The following ASAH2 variants were observed in gnomAD, a reference collection of about 807,000 sequenced individuals.
ASAH2 encodes N-acylsphingosine amidohydrolase 2, also known as neutral ceramidase.
ASAH2 carries 58 observed loss-of-function variants against 82.9 expected under a neutral mutation model. The observed-to-expected ratio is 0.70, with a 90% CI of 0.57 to 0.87. ASAH2 has a LOEUF of 0.87. Ranked by LOEUF, ASAH2 falls within the 40% of genes least tolerant of loss-of-function variation. The pLI is 0.00. For synonymous variants in ASAH2, 276 were observed against 289.7 expected (o/e 0.95, Z 0.48); for missense variants, 779 against 834.0 (o/e 0.93, Z 0.81).
intron 15 of ASAH2, among the ~76,000 whole-genome samples, chr10:50,203,351 A>T (rs1845208896): frequency 6.6e-6 from 1 of 152,036 alleles, no homozygotes; most frequent in Non-Finnish European, 1.5e-5. Flanking sequence ...TAGACTGTTC[A>T]CAGGAATTTA....
intron 7 of ASAH2, among the ~76,000 whole-genome samples, chr10:50,230,228 A>C (rs983509262): frequency 6.6e-5 from 10 of 152,198 alleles, no homozygotes; most frequent in African/African-American, 2.4e-4. Context: ...AATGAGAGTA[A>C]GAAGGAATGA....
At position 50,229,633 on chromosome 10, in the gene ASAH2, A is replaced by G. The variant is rs974750750; in HGVS notation, c.893+3551T>C. On this transcript the variant is annotated intron_variant, in intron 7 of 20. Transcript: ENST00000682911. The stretch of plus-strand genomic sequence containing the variant: ...TTCTTTGTCATGCCATCTAATCTCT[A>G]TTTCTTACTTTGTCTTGCAACACCC... Among the ~76,000 whole-genome samples, 8 of 152,142 alleles carry G rather than the reference A, an allele frequency of 5.3e-5. No homozygotes were observed. In the South Asian group the frequency reaches 8.3e-4, roughly 16 times the overall value.
chr10:50,245,950 C>A (rs117584290), intron 2 of ASAH2, among the ~76,000 whole-genome samples: 1 of 152,162 alleles, frequency 6.6e-6, no homozygotes, highest in African/African-American at 2.4e-5. Flanking sequence ...CTGGCTCTAC[C>A]TTGGCTCTGA....
intron 3 of ASAH2, among the ~76,000 whole-genome samples, chr10:50,244,081 C>T (rs897916333): frequency 1.3e-5 from 2 of 152,298 alleles, no homozygotes; most frequent in Non-Finnish European, 1.5e-5. Flanking sequence ...AGAGAAGGGG[C>T]TGTCTGCAAA....
chr10:50,234,197 G>A (rs955255605), intron 6 of ASAH2, among the ~76,000 whole-genome samples: 6 of 151,932 alleles, frequency 3.9e-5, no homozygotes, highest in African/African-American at 9.7e-5. Flanking sequence ...ATCCACACTC[G>A]CTCCCATAAT....
intron 12 of ASAH2, among the ~76,000 whole-genome samples, chr10:50,207,054 T>C (rs1449230342): frequency 1.3e-5 from 2 of 151,908 alleles, no homozygotes; most frequent in Non-Finnish European, 2.9e-5. Context: ...TATGCAGAAA[T>C]TAAGCAGTAT....
intron 5 of ASAH2, 40 bp downstream of exon 5, chr10:50,235,848 C>CT (rs1846146251): frequency 6.2e-7 from 1 of 1,601,614 alleles, no homozygotes; most frequent in Non-Finnish European, 8.6e-7. Flanking sequence ...TACCTGTAAG[C>CT]AATGGTAAAG....
At chr10:50,213,340 C>A (rs1233007727) in intron 9 of ASAH2, among the ~76,000 whole-genome samples, 2 of 152,106 alleles carry the variant, frequency 1.3e-5, no homozygotes, top group African/African-American at 4.8e-5. Context: ...TATCTAATAT[C>A]TGAGCTAAGA....
intron 7 of ASAH2, among the ~76,000 whole-genome samples, chr10:50,222,110 T>C (rs1845765243): frequency 6.6e-6 from 1 of 152,218 alleles, no homozygotes; most frequent in African/African-American, 2.4e-5. Context: ...GTATCATTCA[T>C]TCAATCAGAG....
intron 8 of ASAH2, 79 bp downstream of exon 8, chr10:50,218,431 G>T: frequency 6.3e-7 from 1 of 1,591,094 alleles, no homozygotes. Context: ...CTGGAGATTT[G>T]AATCACCTCT....
chr10:50,238,575 A>C (rs1409650366), intron 4 of ASAH2, among the ~76,000 whole-genome samples: 8 of 152,200 alleles, frequency 5.3e-5, no homozygotes, highest in Non-Finnish European at 1.0e-4. Context: ...TAAAGAGAAG[A>C]GAAAATGATC....
chr10:50,233,385 C>CAGT, intron 6 of ASAH2, 124 bp from the exon 7 acceptor site: 1 of 723,728 alleles, frequency 1.4e-6, no homozygotes, highest in Non-Finnish European at 2.5e-6. Flanking sequence ...TCTTGACAAG[C>CAGT]AGTAGTTCTG....
Position 50,210,885 on chromosome 10 carries a change from G to A in ASAH2, c.1352C>T (p.Ala451Val). ...GCCAGCTGCAAAACTGTAGCCCAAT[G>A]CTGGTTTACATGTTTTTGACTAAAG... The part of the protein sequence containing the change: ...STHASKTCKP[A>V]LGYSFAAGTI... Residue 451 changes from alanine to valine, a missense_variant, in exon 12 of 21, where the codon GCA becomes GTA. Transcript: ENST00000682911. 3 of 1,613,472 alleles carry A rather than the reference G, an allele frequency of 1.9e-6. No homozygotes were observed. The highest frequency in any genetic ancestry group is 2.2e-5 in the South Asian group (2 of 91,076).
rs1035045426 is a variant in ASAH2, at chr10:50,206,658, G to T, written c.1415-561C>A. ...TGTAACTATAAAACTTATGAATTAA[G>T]AATCTATACTCTATTCAAAAAATGT... On this transcript the variant is annotated intron_variant, in intron 12 of 20. Transcript: ENST00000682911. Among the ~76,000 whole-genome samples, 153 of 150,118 alleles carry T rather than the reference G, an allele frequency of 1.0e-3. 3 individuals are homozygous for T. The highest frequency in any genetic ancestry group is 3.0e-4 in the Non-Finnish European group (20 of 67,324).
At chr10:50,205,557 G>A (rs1845271741) in intron 13 of ASAH2, among the ~76,000 whole-genome samples, 1 of 152,036 alleles carries the variant, frequency 6.6e-6, no homozygotes, top group African/African-American at 2.4e-5. Context: ...TTTCAAAGGA[G>A]TGTAAAAGAA....
At chr10:50,221,701 TA>T (rs1314457719) in intron 7 of ASAH2, among the ~76,000 whole-genome samples, 1,096 of 18,858 alleles carry the variant, frequency 0.058, 9 homozygotes, top group Non-Finnish European at 0.079. Flanking sequence ...GATGGATGGA[TA>T]GATAGATAGA....
At chr10:50,230,252 A>G (rs1486643078) in intron 7 of ASAH2, among the ~76,000 whole-genome samples, 2 of 152,164 alleles carry the variant, frequency 1.3e-5, no homozygotes, top group African/African-American at 4.8e-5. Context: ...ATGAACTCAA[A>G]TATGGTTTTC....
At chr10:50,218,389 C>T in intron 8 of ASAH2, 121 bp downstream of exon 8, 9 of 1,385,244 alleles carry the variant, frequency 6.5e-6, no homozygotes, top group South Asian at 3.5e-5. Context: ...TTCAAGCATA[C>T]CAATATGTGA....
chr10:50,247,601 A>C (rs1450387059), intron 2 of ASAH2, among the ~76,000 whole-genome samples: 1 of 152,162 alleles, frequency 6.6e-6, no homozygotes, highest in Non-Finnish European at 1.5e-5. Context: ...GAGAATGTGC[A>C]GGAAAAGAGA....
Sources: gnomAD v4.1 joint callset for allele counts (sites outside exome capture counted in the v4.1 genomes callset) on GRCh38, gnomAD v4.1.1 for gene constraint, MANE v1.5 for transcripts, NCBI Gene and HGNC (gene_info 2026-07-23, HGNC 2026-07-21) for gene names.